Variants in SPAG16 observed in about 807,000 individuals in gnomAD.
SPAG16 encodes the protein sperm-associated antigen 16 protein.
A neutral mutation model predicts 80.4 loss-of-function variants in SPAG16; 86 were observed. That is an observed-to-expected ratio of 1.07 (90% CI 0.90 to 1.28). The LOEUF is 1.28. SPAG16 is among the 50% of genes most tolerant of loss of function. SPAG16 has a pLI of 0.00. For missense variants in SPAG16, 870 were observed against 765.3 expected, an observed-to-expected ratio of 1.14 and a Z score of -1.61; for synonymous variants, 294 against 265.9, an observed-to-expected ratio of 1.11 and a Z score of -1.03.
intron 13 of SPAG16, among the ~76,000 whole-genome samples, chr2:214,054,589 G>A (rs2049837368): frequency 1.3e-5 from 2 of 152,086 alleles, no homozygotes; most frequent in African/African-American, 2.4e-5. Context: ...GAGAATGAGA[G>A]TTGAGGCATA....
chr2:213,523,378 C>T (rs541724680), intron 10 of SPAG16, among the ~76,000 whole-genome samples: 89 of 152,216 alleles, frequency 5.8e-4, no homozygotes, highest in East Asian at 1.2e-3. Context: ...ATAAATTACC[C>T]GGACTCAGGT....
intron 10 of SPAG16, among the ~76,000 whole-genome samples, chr2:213,528,595 C>T (rs1358443589): frequency 6.6e-6 from 1 of 152,046 alleles, no homozygotes; most frequent in Non-Finnish European, 1.5e-5. Context: ...TACTTCCCTA[C>T]TGAAGATATT....
intron 11 of SPAG16, among the ~76,000 whole-genome samples, chr2:213,896,975 G>A (rs2077020062): frequency 1.3e-5 from 2 of 152,184 alleles, no homozygotes; most frequent in Admixed American, 1.3e-4. Context: ...TACATAGTTT[G>A]ATAGAAGTAA....
intron 10 of SPAG16, among the ~76,000 whole-genome samples, chr2:213,540,760 C>A (rs2076417490): frequency 6.6e-6 from 1 of 152,126 alleles, no homozygotes; most frequent in Non-Finnish European, 1.5e-5. Context: ...ATTAAAGTAG[C>A]CAATGCTGTG....
intron 11 of SPAG16, among the ~76,000 whole-genome samples, chr2:213,891,738 G>T (rs184094480): frequency 6.6e-6 from 1 of 152,210 alleles, no homozygotes; most frequent in East Asian, 1.9e-4. Flanking sequence ...GGGCCACAAA[G>T]AAGTGTAATA....
intron 10 of SPAG16, among the ~76,000 whole-genome samples, chr2:213,758,794 A>G (rs2068487641): frequency 6.6e-6 from 1 of 152,214 alleles, no homozygotes; most frequent in Non-Finnish European, 1.5e-5. Flanking sequence ...AGACATTAAT[A>G]TAAACATTCA....
intron 15 of SPAG16, among the ~76,000 whole-genome samples, chr2:214,341,568 G>T (rs1480717755): frequency 6.6e-6 from 1 of 152,140 alleles, no homozygotes; most frequent in Non-Finnish European, 1.5e-5. Flanking sequence ...ATGTGAATCA[G>T]ATGAGAGTCT....
At chr2:214,280,652 G>T in intron 15 of SPAG16, 1 of 282,908 alleles carries the variant, frequency 3.5e-6, no homozygotes, top group Non-Finnish European at 7.0e-6. Context: ...TCAGTAGCCT[G>T]CCCCTGAGCT....
chr2:214,380,299 A>ATGTT (rs1280637960), intron 15 of SPAG16, among the ~76,000 whole-genome samples: 4 of 152,194 alleles, frequency 2.6e-5, no homozygotes, highest in African/African-American at 9.7e-5. Flanking sequence ...GTTTTGCAAA[A>ATGTT]TGTTTGTTAG....
chr2:213,931,691 C>G (rs905230768), intron 12 of SPAG16, among the ~76,000 whole-genome samples: 6 of 152,148 alleles, frequency 3.9e-5, no homozygotes, highest in African/African-American at 7.2e-5. Context: ...GACAACTTTT[C>G]TTTATGACCC....
intron 11 of SPAG16, among the ~76,000 whole-genome samples, chr2:213,892,320 G>A (rs1208084159): frequency 1.3e-5 from 2 of 151,798 alleles, no homozygotes; most frequent in African/African-American, 4.8e-5. Flanking sequence ...AATCTGTGAG[G>A]AAATGTATCC....
At chr2:213,937,826 T>C (rs2079048249) in intron 12 of SPAG16, among the ~76,000 whole-genome samples, 1 of 152,010 alleles carries the variant, frequency 6.6e-6, no homozygotes, top group South Asian at 2.1e-4. Flanking sequence ...GAAGAATGGC[T>C]CAAGTAAGTG....
intron 9 of SPAG16, among the ~76,000 whole-genome samples, chr2:213,385,125 T>C (rs971773429): frequency 1.3e-4 from 20 of 152,202 alleles, no homozygotes; most frequent in African/African-American, 4.8e-4. Flanking sequence ...CTAGTGGACG[T>C]ATTCTCTGGT....
intron 9 of SPAG16, among the ~76,000 whole-genome samples, chr2:213,402,910 C>T (rs1171486681): frequency 6.6e-6 from 1 of 152,132 alleles, no homozygotes; most frequent in Non-Finnish European, 1.5e-5. Flanking sequence ...GTCTTTATAG[C>T]AGCATGATTT....
At chr2:213,349,424 G>A (rs967775949) in intron 6 of SPAG16, among the ~76,000 whole-genome samples, 2 of 152,034 alleles carry the variant, frequency 1.3e-5, no homozygotes, top group African/African-American at 4.8e-5. Context: ...TAATAAGATG[G>A]ATAAACTCTT....
At chr2:213,291,107 G>C (rs2126055545) in intron 1 of SPAG16, among the ~76,000 whole-genome samples, 1 of 152,298 alleles carries the variant, frequency 6.6e-6, no homozygotes, top group African/African-American at 2.4e-5. Context: ...GGGAAGCTTA[G>C]AGTCAAATCT....
chr2:213,824,601 A>G (rs1377706865), intron 10 of SPAG16, among the ~76,000 whole-genome samples: 2 of 152,022 alleles, frequency 1.3e-5, no homozygotes, highest in African/African-American at 4.8e-5. Context: ...ATTGGCCTAT[A>G]TATCTTTTTA....
intron 15 of SPAG16, among the ~76,000 whole-genome samples, chr2:214,177,857 G>C (rs1326799636): frequency 7.2e-6 from 1 of 138,000 alleles, no homozygotes; most frequent in Non-Finnish European, 1.6e-5. Context: ...ATGGAGAAAA[G>C]TTCAAGGTAA....
At chr2:214,246,639 A>G (rs1032684750) in intron 15 of SPAG16, among the ~76,000 whole-genome samples, 1 of 152,038 alleles carries the variant, frequency 6.6e-6, no homozygotes, top group Non-Finnish European at 1.5e-5. Context: ...TTCCCCAGCC[A>G]CTCACCATTG....
Sources: gnomAD v4.1 joint callset for allele counts (sites outside exome capture counted in the v4.1 genomes callset) on GRCh38, gnomAD v4.1.1 for gene constraint, MANE v1.5 for transcripts, NCBI Gene and HGNC (gene_info 2026-07-23, HGNC 2026-07-21) for gene names.